Variants in C12orf50 observed in about 807,000 individuals in gnomAD.
The protein encoded by C12orf50 is zinc finger CCCH-type containing 11D, also known as uncharacterized protein C12orf50.
In C12orf50, 35 loss-of-function variants were observed where a neutral mutation model predicts 61.6. The ratio of observed to expected loss-of-function variants is 0.57; its 90% CI spans 0.43 to 0.75. The LOEUF is 0.75. C12orf50 is among the 30% of genes least tolerant of loss of function. C12orf50 has a pLI of 0.00. For missense variants in C12orf50, 475 were observed against 488.5 expected, an observed-to-expected ratio of 0.97 and a Z score of 0.26; for synonymous variants, 178 against 161.5, an observed-to-expected ratio of 1.10 and a Z score of -0.77.
At chr12:87,985,588 A>C in intron 11 of C12orf50, 1 of 489,568 alleles carries the variant, frequency 2.0e-6, no homozygotes, top group Non-Finnish European at 3.7e-6. Flanking sequence ...TCCTGGAGGA[A>C]CAAAGTGCAG....
At chr12:88,026,289 T>C (rs1465868013) in intron 3 of C12orf50, among the ~76,000 whole-genome samples, 199 bp downstream of exon 3, 1 of 152,228 alleles carries the variant, frequency 6.6e-6, no homozygotes, top group African/African-American at 2.4e-5. Context: ...ACTTGCTCTT[T>C]GTTCATTTCA....
At chr12:88,019,229 G>C (rs1011912058) in intron 3 of C12orf50, among the ~76,000 whole-genome samples, 2 of 152,134 alleles carry the variant, frequency 1.3e-5, no homozygotes, top group African/African-American at 4.8e-5. Context: ...GTGATAGTGA[G>C]TAAGTCTCAT....
chr12:88,006,167 C>G (rs1020747048), intron 3 of C12orf50, among the ~76,000 whole-genome samples: 3 of 152,022 alleles, frequency 2.0e-5, no homozygotes, highest in African/African-American at 7.2e-5. Flanking sequence ...CCGCCCACAT[C>G]GGCCTCCCAA....
chr12:87,983,253 G>T (rs1406517568), intron 11 of C12orf50, 58 bp from the exon 12 acceptor site: 3 of 1,152,202 alleles, frequency 2.6e-6, no homozygotes, highest in African/African-American at 3.1e-5. Context: ...TATTCCAAGG[G>T]TGTTTCAAAG....
intron 3 of C12orf50, among the ~76,000 whole-genome samples, chr12:88,004,318 G>C (rs925075709): frequency 1.2e-4 from 18 of 152,246 alleles, no homozygotes; most frequent in Middle Eastern, 6.8e-3. Flanking sequence ...CTAATCATTA[G>C]AGAAATGCAA....
intron 3 of C12orf50, among the ~76,000 whole-genome samples, chr12:88,004,931 A>G (rs932696332): frequency 2.6e-5 from 4 of 152,172 alleles, no homozygotes; most frequent in Non-Finnish European, 5.9e-5. Flanking sequence ...CCTATCAGGT[A>G]CTATGCTTAT....
chr12:87,983,235 T>A, intron 11 of C12orf50, 40 bp from the exon 12 acceptor site: 1 of 1,337,878 alleles, frequency 7.5e-7, no homozygotes, highest in Non-Finnish European at 1.1e-6. Flanking sequence ...TTTATAACTT[T>A]AAAATCATAT....
At chr12:88,002,856 T>C in intron 3 of C12orf50, among the ~76,000 whole-genome samples, 1 of 151,732 alleles carries the variant, frequency 6.6e-6, no homozygotes, top group Non-Finnish European at 1.5e-5. Flanking sequence ...CTTAGGTTGC[T>C]CTATGGCTTA....
Position 87,985,904 on chromosome 12 carries a change from C to A in C12orf50, c.1072G>T (p.Gly358Trp), listed in dbSNP as rs767589367. ...NAPSRSRPTHGSYNKVHANRE... is the reference protein window; with the variant it reads ...NAPSRSRPTHWSYNKVHANRE... ...TTAGCATGGACTTTATTGTAGGACC[C>A]ATGCGTGGGCCTGCTGCGGGAAGGT... The change falls in exon 11 of 13, where the codon GGG becomes TGG. Residue 358 changes from glycine (G) to tryptophan (W), a missense_variant. Transcript: ENST00000298699. 3 of 1,613,730 alleles carry A rather than the reference C, an allele frequency of 1.9e-6. No individual in the cohort carries two copies. In the African/African-American group the frequency reaches 4.0e-5, roughly 22 times the overall value.
At chr12:88,029,141 A>T in intron 1 of C12orf50, 199 bp downstream of exon 1, 1 of 1,263,598 alleles carries the variant, frequency 7.9e-7, no homozygotes, top group African/African-American at 1.6e-5. Context: ...CTTGCTGCTA[A>T]TCCAATGGTT....
chr12:88,026,834 T>G, intron 2 of C12orf50, 117 bp downstream of exon 2: 1 of 1,472,892 alleles, frequency 6.8e-7, no homozygotes, highest in Non-Finnish European at 9.1e-7. Context: ...GCAAAATGCC[T>G]AAAATCAAAT....
chr12:88,011,698 G>C (rs1366906407), intron 3 of C12orf50, among the ~76,000 whole-genome samples: 4 of 152,130 alleles, frequency 2.6e-5, no homozygotes, highest in African/African-American at 9.7e-5. Flanking sequence ...TGCCTATTCT[G>C]CTTCCAAAAT....
chr12:88,001,213 T>A (rs2031641853), intron 3 of C12orf50, among the ~76,000 whole-genome samples: 1 of 151,758 alleles, frequency 6.6e-6, no homozygotes, highest in Non-Finnish European at 1.5e-5. Flanking sequence ...CGTATGTGTG[T>A]CAAATTTTTA....
intron 12 of C12orf50, among the ~76,000 whole-genome samples, chr12:87,982,374 A>G (rs1473839841): frequency 6.6e-6 from 1 of 152,208 alleles, no homozygotes; most frequent in Non-Finnish European, 1.5e-5. Flanking sequence ...ATATAAACAT[A>G]TAACACATAT....
At chr12:87,999,008 A>G (rs140418160) in intron 3 of C12orf50, among the ~76,000 whole-genome samples, 157 of 152,180 alleles carry the variant, frequency 1.0e-3, no homozygotes, top group Admixed American at 2.2e-3. Context: ...TATAAAACTC[A>G]TAGAAGAACC....
intron 3 of C12orf50, among the ~76,000 whole-genome samples, chr12:88,012,925 A>G (rs1034935117): frequency 1.3e-5 from 2 of 152,022 alleles, no homozygotes; most frequent in African/African-American, 4.8e-5. Context: ...TTAGTCGGGC[A>G]TGGCGTCATG....
At chr12:87,996,524 T>C in intron 5 of C12orf50, 37 bp from the exon 6 acceptor site, 1 of 1,591,070 alleles carries the variant, frequency 6.3e-7, no homozygotes, top group South Asian at 1.1e-5. Flanking sequence ...TTAGTATATT[T>C]ATCACATCAA....
At chr12:88,000,307 A>C (rs1047282797) in intron 3 of C12orf50, among the ~76,000 whole-genome samples, 1 of 152,092 alleles carries the variant, frequency 6.6e-6, no homozygotes, top group African/African-American at 2.4e-5. Context: ...TGAATGATCT[A>C]TATGCCCTTG....
At position 87,989,328 on chromosome 12, in the gene C12orf50, G is replaced by A. The variant is rs752798817; in HGVS notation, c.636C>T (p.Val212=). Reference sequence around the variant, plus strand: ...CTTCAGTTAAAGCTTCACTTTCATCGACTCCAAGAAATATGACCCTCTGTG... The same window carrying A: ...CTTCAGTTAAAGCTTCACTTTCATCAACTCCAAGAAATATGACCCTCTGTG... ...YVPQRVIFLG[V]DESEALTEEK... is the part of the protein sequence containing the mutation. The change falls in exon 8 of 13, where the codon GTC becomes GTT. Residue 212 remains valine (V), a synonymous_variant. Transcript: ENST00000298699. 105 of 1,610,932 alleles carry A rather than the reference G, an allele frequency of 6.5e-5. No individual in the cohort carries two copies. The highest frequency in any genetic ancestry group is 1.3e-4 in the South Asian group (12 of 90,874).
Sources: allele counts gnomAD v4.1 joint callset (sites outside exome capture counted in the v4.1 genomes callset), GRCh38; gene constraint gnomAD v4.1.1; transcripts MANE v1.5; gene names NCBI Gene and HGNC (gene_info 2026-07-23, HGNC 2026-07-21).